The following GOLM1 variants were observed in gnomAD, a reference collection of about 807,000 sequenced individuals.
GOLM1 encodes golgi membrane protein 1, also known as epididymis luminal protein 46.
GOLM1 carries 31 observed loss-of-function variants against 50.5 expected under a neutral mutation model. The observed-to-expected ratio is 0.61, with a 90% CI of 0.46 to 0.83. The LOEUF (loss-of-function observed/expected upper bound fraction) is 0.83, where lower values mean the gene tolerates loss of function less well. Ranked by LOEUF, GOLM1 falls within the 40% of genes least tolerant of loss-of-function variation. The pLI is 0.00. For synonymous variants in GOLM1, 178 were observed against 192.8 expected, an observed-to-expected ratio of 0.92 and a Z score of 0.64; for missense variants, 491 against 501.3, an observed-to-expected ratio of 0.98 and a Z score of 0.20.
intron 3 of GOLM1, among the ~76,000 whole-genome samples, chr9:86,054,509 C>T (rs759790036): frequency 5.9e-5 from 9 of 152,152 alleles, no homozygotes; most frequent in African/African-American, 2.2e-4. Flanking sequence ...CAGGCGTGAG[C>T]CACTGCGCCC....
chr9:86,091,704 C>T (rs1462277923), intron 1 of GOLM1, among the ~76,000 whole-genome samples: 1 of 152,206 alleles, frequency 6.6e-6, no homozygotes, highest in Non-Finnish European at 1.5e-5. Flanking sequence ...TGCTGCCGCA[C>T]ATGGCTTGAC....
intron 4 of GOLM1, among the ~76,000 whole-genome samples, chr9:86,049,230 ATC>A (rs1833657344): frequency 6.6e-6 from 1 of 152,048 alleles, no homozygotes; most frequent in South Asian, 2.1e-4. Context: ...AATGGTCTAT[ATC>A]TCTGTTTTGG....
At chr9:86,076,711 A>G (rs1339447026) in intron 3 of GOLM1, among the ~76,000 whole-genome samples, 1 of 151,846 alleles carries the variant, frequency 6.6e-6, no homozygotes, top group Non-Finnish European at 1.5e-5. Flanking sequence ...CTAAAAATAT[A>G]AAAATTAGCT....
intron 3 of GOLM1, among the ~76,000 whole-genome samples, chr9:86,064,426 G>A (rs1834247306): frequency 6.6e-6 from 1 of 152,106 alleles, no homozygotes; most frequent in East Asian, 1.9e-4. Flanking sequence ...CCTCTTGGCT[G>A]CCTCCCAAAT....
chr9:86,087,565 C>T (rs1462576275), intron 1 of GOLM1, among the ~76,000 whole-genome samples: 2 of 152,120 alleles, frequency 1.3e-5, no homozygotes, highest in Admixed American at 6.5e-5. Context: ...CAGTATGATA[C>T]TGGCTGTGGG....
intron 6 of GOLM1, among the ~76,000 whole-genome samples, chr9:86,038,438 G>C (rs1320854866): frequency 6.6e-6 from 1 of 152,114 alleles, no homozygotes; most frequent in Non-Finnish European, 1.5e-5. Flanking sequence ...GAGCCTAACT[G>C]ACCTGGGGGA....
intron 3 of GOLM1, among the ~76,000 whole-genome samples, chr9:86,073,670 G>A (rs1834522344): frequency 6.6e-6 from 1 of 152,146 alleles, no homozygotes; most frequent in Admixed American, 6.5e-5. Context: ...GCTCCACTGA[G>A]GAACATGGCT....
intron 3 of GOLM1, among the ~76,000 whole-genome samples, chr9:86,061,570 C>T (rs1241065763): frequency 1.3e-5 from 2 of 152,194 alleles, no homozygotes; most frequent in South Asian, 2.1e-4. Context: ...TCTTGAAGAC[C>T]TGAGACTGTG....
chr9:86,047,719 C>T (rs1833598034), intron 4 of GOLM1, among the ~76,000 whole-genome samples: 1 of 152,170 alleles, frequency 6.6e-6, no homozygotes, highest in Non-Finnish European at 1.5e-5. Context: ...CACAATCCAA[C>T]TAGGCAAGAG....
chr9:86,061,900 T>C (rs925446871), intron 3 of GOLM1, among the ~76,000 whole-genome samples: 1 of 152,134 alleles, frequency 6.6e-6, no homozygotes, highest in Non-Finnish European at 1.5e-5. Context: ...CTGAGGAGGC[T>C]TCAGGGCAGG....
In GOLM1 at chr9:86,053,841, ACAC is replaced by A. The variant is rs763685295; in HGVS notation, c.310-1253_310-1251del. ...ATCACACACCAAACCAAACCACACC[ACAC>A]CACACCACTCTACACCACACCAGCT... is the stretch of plus-strand genomic sequence containing the variant. On this transcript the variant is annotated intron_variant, in intron 3 of 9. Transcript: ENST00000388712. Among the ~76,000 whole-genome samples the A allele has an allele frequency of 5.6e-4, 85 of 150,808 alleles. No homozygotes were observed. In the East Asian group the frequency reaches 8.0e-3, roughly 14 times the overall value.
chr9:86,037,257 A>G (rs111859553), intron 6 of GOLM1, among the ~76,000 whole-genome samples: 6,619 of 152,124 alleles, frequency 0.044, 460 homozygotes, highest in African/African-American at 0.15. Context: ...TCTACTAAAA[A>G]TACAAAAATT....
chr9:86,045,764 C>CT (rs1736049345), intron 5 of GOLM1, among the ~76,000 whole-genome samples: 3 of 151,714 alleles, frequency 2.0e-5, no homozygotes, highest in Admixed American at 2.0e-4. Flanking sequence ...ATGATGACTG[C>CT]AATTAAGTAA....
intron 3 of GOLM1, among the ~76,000 whole-genome samples, chr9:86,063,949 C>T (rs572769196): frequency 5.9e-5 from 9 of 152,312 alleles, no homozygotes; most frequent in East Asian, 3.9e-4. Context: ...TCACATTGCA[C>T]GACAATGCTT....
intron 9 of GOLM1, among the ~76,000 whole-genome samples, chr9:86,030,677 T>C (rs1386283149): frequency 2.0e-5 from 3 of 152,146 alleles, no homozygotes; most frequent in Non-Finnish European, 4.4e-5. Context: ...AGACATGAAT[T>C]GGACACTCAC....
In GOLM1 at chr9:86,026,171, T is replaced by G; in HGVS notation, c.*1646A>C. On this transcript the variant is annotated 3_prime_UTR_variant, in exon 10 of 10. Coordinates refer to ENST00000388712, the MANE Select transcript of GOLM1 (RefSeq NM_016548.4). ...TAAGTTGAACAGAACATTTTATTTC[T>G]CAGCAATTCTATGCGTACAAATTAA... The G allele has an allele frequency of 1.0e-6, 1 of 984,280 alleles. No homozygotes were observed. Among genetic ancestry groups the G allele is most frequent in the Non-Finnish European group, 1.2e-6 (1 of 828,884 alleles). The allele number at this position is 984,280 out of a possible 1,614,324, so 61.0% of individuals were successfully genotyped here. A position where few individuals can be genotyped will look rare whatever the true frequency, so the allele number is the denominator to read the frequency against.
chr9:86,070,738 G>A (rs953871280), intron 3 of GOLM1, among the ~76,000 whole-genome samples: 16 of 152,034 alleles, frequency 1.1e-4, no homozygotes, highest in Admixed American at 1.3e-4. Context: ...CATTTACCAC[G>A]AACTCGAACT....
intron 3 of GOLM1, among the ~76,000 whole-genome samples, chr9:86,069,152 G>A (rs2118817933): frequency 6.6e-6 from 1 of 150,708 alleles, no homozygotes; most frequent in East Asian, 1.9e-4. Context: ...TTTTTTTAAA[G>A]AAAGGGAGTG....
chr9:86,035,343 G>C (rs891927459), intron 8 of GOLM1, 25 bp downstream of exon 8: 1 of 1,607,198 alleles, frequency 6.2e-7, no homozygotes, highest in Non-Finnish European at 8.5e-7. Context: ...GGAGTCCACA[G>C]CGGCCCCCGA....
Sources: gnomAD v4.1 joint callset for allele counts (sites outside exome capture counted in the v4.1 genomes callset) on GRCh38, gnomAD v4.1.1 for gene constraint, MANE v1.5 for transcripts, NCBI Gene and HGNC (gene_info 2026-07-23, HGNC 2026-07-21) for gene names.